The following DLGAP2 variants were observed in gnomAD, a reference collection of about 807,000 sequenced individuals.
DLGAP2 encodes disks large-associated protein 2.
Under a neutral mutation model 100.3 loss-of-function variants are expected in DLGAP2, and 26 were observed. That is an observed-to-expected ratio of 0.26 (90% CI 0.19 to 0.36). The LOEUF is 0.36. Among genes scored for constraint, DLGAP2 ranks in the 10% least tolerant of loss-of-function variants. The pLI, the probability that DLGAP2 is intolerant of heterozygous loss-of-function variation, is 1.00. For missense variants in DLGAP2, 1,858 were observed against 1,453.2 expected (o/e 1.28, Z -4.53); for synonymous variants, 886 against 630.1 (o/e 1.41, Z -6.08).
intron 3 of DLGAP2, among the ~76,000 whole-genome samples, chr8:1,478,744 C>A (rs1370473150): frequency 6.6e-6 from 1 of 152,194 alleles, no homozygotes; most frequent in Non-Finnish European, 1.5e-5. Flanking sequence ...CCCCCACCCA[C>A]CAGTCGGCTC....
chr8:1,626,689 C>T (rs1283436286), intron 6 of DLGAP2, 51 bp from the exon 7 acceptor site: 10 of 1,555,662 alleles, frequency 6.4e-6, no homozygotes, highest in African/African-American at 1.4e-5. Context: ...CCACCTCTGC[C>T]CTGCAGCGGG....
At chr8:1,126,976 C>T (rs1037043101) in intron 2 of DLGAP2, among the ~76,000 whole-genome samples, 6 of 151,400 alleles carry the variant, frequency 4.0e-5, no homozygotes, top group Admixed American at 2.6e-4. Context: ...AGCTCTTAAA[C>T]TGTCCTTCTG....
chr8:819,523 A>G (rs1796546280), intron 1 of DLGAP2, among the ~76,000 whole-genome samples: 1 of 152,182 alleles, frequency 6.6e-6, no homozygotes, highest in Non-Finnish European at 1.5e-5. Flanking sequence ...ATGAGAAAAG[A>G]TATTGGGAAT....
In DLGAP2 at chr8:1,234,532, G is replaced by C. The variant is rs148307082; in HGVS notation, c.74-24319G>C. Among the ~76,000 whole-genome samples the C allele has an allele frequency of 5.9e-5, 9 of 152,232 alleles. No homozygotes were observed. The East Asian group carries it at 1.7e-3, about 29-fold the overall frequency. Reference sequence around the variant, plus strand: ...CTCCTTAACCATTTACAGCAACAATGACCCTATTTCTAAACTAAGGTCACA... The same window carrying C: ...CTCCTTAACCATTTACAGCAACAATCACCCTATTTCTAAACTAAGGTCACA... On this transcript the variant is annotated intron_variant, in intron 2 of 14. Transcript: ENST00000637795.
intron 2 of DLGAP2, among the ~76,000 whole-genome samples, chr8:1,092,100 T>A (rs1359757300): frequency 6.6e-6 from 1 of 152,304 alleles, no homozygotes; most frequent in East Asian, 1.9e-4. Context: ...TTTTGGGGAC[T>A]CTCATGGGAG....
intron 1 of DLGAP2, among the ~76,000 whole-genome samples, chr8:765,713 C>G (rs779769598): frequency 6.6e-6 from 1 of 152,182 alleles, no homozygotes; most frequent in Non-Finnish European, 1.5e-5. Context: ...AACATGGTGC[C>G]TTCACCTCGT....
intron 4 of DLGAP2, among the ~76,000 whole-genome samples, chr8:1,526,606 G>A (rs1371092777): frequency 6.6e-6 from 1 of 152,162 alleles, no homozygotes; most frequent in Non-Finnish European, 1.5e-5. Context: ...CTGGCTGACC[G>A]CTGAGTTCTG....
intron 2 of DLGAP2, among the ~76,000 whole-genome samples, chr8:936,216 A>C (rs1008203452): frequency 1.3e-5 from 2 of 152,172 alleles, no homozygotes; most frequent in African/African-American, 4.8e-5. Context: ...CGGTCAGCAG[A>C]GCCTAGAGGG....
At chr8:1,502,979 A>G (rs1799775758) in intron 4 of DLGAP2, among the ~76,000 whole-genome samples, 1 of 151,696 alleles carries the variant, frequency 6.6e-6, no homozygotes, top group Admixed American at 6.6e-5. Context: ...TGCAGGAGTC[A>G]CTCTGGGGAG....
chr8:1,353,601 T>A lies in DLGAP2; in HGVS notation c.106+94718T>A, dbSNP rs78258226. On this transcript the variant is annotated intron_variant, in intron 3 of 14. Coordinates refer to ENST00000637795, the MANE Select transcript of DLGAP2 (RefSeq NM_001346810.2). ...AATGCTTTCCATTTAAGATGGTTTG[T>A]CAGGACATAACCCCATTATAAGGTG... 2.0e-4 allele frequency among the ~76,000 whole-genome samples: 31 copies of A among 152,308 alleles called. No individual in the cohort carries two copies. The East Asian group carries it at 6.0e-3, about 29-fold the overall frequency.
At chr8:1,471,657 A>G (rs1004471693) in intron 3 of DLGAP2, among the ~76,000 whole-genome samples, 2 of 150,216 alleles carry the variant, frequency 1.3e-5, no homozygotes, top group Admixed American at 1.3e-4. Flanking sequence ...CAACCACCCC[A>G]CACACCTCCC....
At chr8:1,552,195 C>T (rs1801791569) in intron 5 of DLGAP2, among the ~76,000 whole-genome samples, 1 of 152,160 alleles carries the variant, frequency 6.6e-6, no homozygotes, top group Admixed American at 6.5e-5. Context: ...CAACACAGAG[C>T]GTTATCGTGC....
intron 2 of DLGAP2, among the ~76,000 whole-genome samples, chr8:990,326 A>T (rs537297411): frequency 7.0e-6 from 1 of 142,730 alleles, no homozygotes; most frequent in Non-Finnish European, 1.5e-5. Context: ...CTGCACCCCC[A>T]TACTCGGAGT....
At chr8:1,632,429 A>G (rs2130780401) in intron 7 of DLGAP2, among the ~76,000 whole-genome samples, 1 of 152,294 alleles carries the variant, frequency 6.6e-6, no homozygotes, top group African/African-American at 2.4e-5. Flanking sequence ...CCATCGTGCC[A>G]TTAGTAGCTT....
rs1034767091 is a variant in DLGAP2 at position 1,417,638 on chromosome 8, G to T, written c.107-83728G>T. On this transcript the variant is annotated intron_variant, in intron 3 of 14. Transcript: ENST00000637795. ...TTCACTGCGTGGCCGCCTCCAGGGG[G>T]GCACGGGGAGCCCCACTCCTGCCTC... 2.4e-4 allele frequency among the ~76,000 whole-genome samples: 35 copies of T among 148,494 alleles called. 3 individuals are homozygous for T. The highest frequency in any genetic ancestry group is 3.7e-3 in the Middle Eastern group (1 of 272).
chr8:1,509,203 C>T (rs1467590921), intron 4 of DLGAP2, among the ~76,000 whole-genome samples: 4 of 151,994 alleles, frequency 2.6e-5, no homozygotes, highest in Non-Finnish European at 2.9e-5. Context: ...TGGTGGCGGG[C>T]GCCTGTAATC....
intron 3 of DLGAP2, among the ~76,000 whole-genome samples, chr8:1,347,501 A>G (rs1009669714): frequency 1.8e-4 from 28 of 151,986 alleles, no homozygotes; most frequent in Admixed American, 1.3e-3. Context: ...GTGTAGGTTC[A>G]TTTCCCACAT....
chr8:745,327 T>C (rs113679736), intron 1 of DLGAP2, among the ~76,000 whole-genome samples: 19 of 152,360 alleles, frequency 1.2e-4, no homozygotes, highest in Middle Eastern at 6.8e-3. Context: ...CAACCTTTTG[T>C]TGTGGCCATT....
intron 2 of DLGAP2, among the ~76,000 whole-genome samples, chr8:978,246 T>A (rs375879994): frequency 8.2e-4 from 37 of 44,918 alleles, no homozygotes; most frequent in Admixed American, 2.1e-3. Context: ...GTCTTTGGTG[T>A]TGTGGGGAGG....
Sources: allele counts gnomAD v4.1 joint callset (sites outside exome capture counted in the v4.1 genomes callset), GRCh38; gene constraint gnomAD v4.1.1; transcripts MANE v1.5; gene names NCBI Gene and HGNC (gene_info 2026-07-23, HGNC 2026-07-21).